Variants in ITIH4 observed in about 807,000 individuals in gnomAD.
ITIH4 encodes inter-alpha-trypsin inhibitor heavy chain 4.
In ITIH4, 79 loss-of-function variants were observed where a neutral mutation model predicts 111.8. The observed-to-expected ratio is 0.71, with a 90% CI of 0.59 to 0.85. ITIH4 has a LOEUF of 0.85. ITIH4 is among the 40% of genes least tolerant of loss of function. ITIH4 has a pLI of 0.00. For synonymous variants in ITIH4, 472 were observed against 468.3 expected, an observed-to-expected ratio of 1.01 and a Z score of -0.10; for missense variants, 1,065 against 1,195.8, an observed-to-expected ratio of 0.89 and a Z score of 1.61.
At chr3:52,823,488 G>C in intron 11 of ITIH4, 68 bp downstream of exon 11, 1 of 1,378,120 alleles carries the variant, frequency 7.3e-7, no homozygotes, top group African/African-American at 1.4e-5. Context: ...TGGGATTTGA[G>C]TCCAGCCCCT....
intron 11 of ITIH4, among the ~76,000 whole-genome samples, chr3:52,821,816 G>C (rs1434287631): frequency 2.0e-5 from 3 of 152,190 alleles, no homozygotes; most frequent in African/African-American, 7.2e-5. Flanking sequence ...TCTCCCACCA[G>C]AGCTCCCTGA....
chr3:52,823,458 A>G, intron 11 of ITIH4, 98 bp downstream of exon 11: 1 of 980,118 alleles, frequency 1.0e-6, no homozygotes, highest in Non-Finnish European at 1.5e-6. Flanking sequence ...GCAGAGGGGA[A>G]AGCTGGAGCT....
intron 16 of ITIH4, 79 bp downstream of exon 16, chr3:52,819,675 G>A (rs979793487): frequency 1.9e-6 from 3 of 1,584,506 alleles, no homozygotes; most frequent in South Asian, 2.2e-5. Flanking sequence ...CAACAGCTGG[G>A]AGATGAACAA....
chr3:52,827,232 G>C lies in ITIH4; in HGVS notation c.252-35C>G, dbSNP rs111853166. 1.6e-5 allele frequency: 24 copies of C among 1,547,474 alleles called. 2 individuals carry two copies. Among genetic ancestry groups the C allele is most frequent in the African/African-American group, 9.5e-5 (7 of 73,696 alleles). ...GAAGGGTGGGAGTTGTTGAGAGCCTGGTGGCAGGGGCCCATTCCACTCCTG... is the reference window on the plus strand; with the variant it reads ...GAAGGGTGGGAGTTGTTGAGAGCCTCGTGGCAGGGGCCCATTCCACTCCTG... On this transcript the variant is annotated intron_variant, in intron 2 of 23. Transcript: ENST00000266041.
At position 52,824,223 on chromosome 3, in the gene ITIH4, T is replaced by C. The variant is rs761027649; in HGVS notation, c.1138A>G (p.Ile380Val). ...GGGTCGCCATCGGTGAGCAGGATGA[T>C]GAGTGAGACACTCCCTTCGGGCAGC... ...ERLPEGSVSL[I>V]ILLTDGDPTV... The change falls in exon 9 of 24, where the codon ATC (isoleucine) becomes GTC (valine). Residue 380 changes from isoleucine (I) to valine (V), a missense_variant. Coordinates refer to ENST00000266041, the MANE Select transcript of ITIH4 (RefSeq NM_002218.5). This position sits in a 1 kb window ranked among gnomAD's most constrained non-coding sequence, Gnocchi z 4.3. 1.2e-6 allele frequency: 2 copies of C among 1,613,446 alleles called. No homozygotes were observed. The highest frequency in any genetic ancestry group is 1.7e-6 in the Non-Finnish European group (2 of 1,180,006).
Position 52,820,010 on chromosome 3 carries a change from G to A in ITIH4, c.1862-20C>T. The stretch of plus-strand genomic sequence containing the variant: ...TGGAACCTGGAAATCAGTGGGACCT[G>A]GGTTTGCATCTTGCACCCACCTTCC... On this transcript the variant is annotated intron_variant, in intron 14 of 23. Transcript: ENST00000266041. 6.2e-7 allele frequency: 1 copy of A among 1,613,758 alleles called. No homozygotes were observed. The highest frequency in any genetic ancestry group is 8.5e-7 in the Non-Finnish European group (1 of 1,179,736).
At chr3:52,827,281 ACTC>A in intron 2 of ITIH4, 84 bp from the exon 3 acceptor site, 4 of 1,085,576 alleles carry the variant, frequency 3.7e-6, no homozygotes, top group South Asian at 1.3e-5. Context: ...GCCTTTCTGG[ACTC>A]GGTGTGCCTC....
chr3:52,814,027 C>G lies in ITIH4; in HGVS notation c.2671G>C (p.Asp891His). 6.2e-7 allele frequency: 1 copy of G among 1,613,954 alleles called. No individual in the cohort carries two copies. The highest frequency in any genetic ancestry group is 8.5e-7 in the Non-Finnish European group (1 of 1,179,968). The change falls in exon 23 of 24, where the codon GAT (aspartate) becomes CAT (histidine). Residue 891 changes from aspartate (D) to histidine (H), a missense_variant. Physicochemically the swap from Asp to His is moderately conservative, Grantham distance 81 (BLOSUM62 -1). Coordinates refer to ENST00000266041, the MANE Select transcript of ITIH4 (RefSeq NM_002218.5). ...EVLWGSPAAS[D>H]DGRRTLRVQG... ...ACCCTCAGCGTGCGTCTGCCGTCAT[C>G]TGATGCTGCTGGAGATCCCCAGAGC... is the stretch of plus-strand genomic sequence containing the variant.
chr3:52,820,839 T>A, intron 12 of ITIH4, 54 bp from the exon 13 acceptor site: 1 of 1,567,918 alleles, frequency 6.4e-7, no homozygotes, highest in South Asian at 1.2e-5. Context: ...GGAACAGATT[T>A]TCCATCCAGC....
intron 17 of ITIH4, chr3:52,819,031 T>C: frequency 3.2e-6 from 1 of 308,966 alleles, no homozygotes; most frequent in Middle Eastern, 1.1e-3. Context: ...GGGCCTAGGG[T>C]CCCCTCTGAA....
rs1019046193 is a variant in ITIH4 at position 52,820,152 on chromosome 3, T to C, written c.1861+139A>G. On this transcript the variant is annotated intron_variant, in intron 14 of 23. Transcript: ENST00000266041. The stretch of plus-strand genomic sequence containing the variant: ...ACCAGCATGCTGGGTCAGATTACAC[T>C]GCCTCCTGGCAGCAGGGATGGGCTG... The C allele has an allele frequency of 7.5e-6, 10 of 1,338,092 alleles. No homozygotes were observed. In the African/African-American group the frequency reaches 1.2e-4, roughly 15 times the overall value. The allele number at this position is 1,338,092 out of a possible 1,614,324, so 82.9% of individuals were successfully genotyped here.
At chr3:52,820,235 A>ACCC in intron 14 of ITIH4, 56 bp downstream of exon 14, 3 of 1,611,188 alleles carry the variant, frequency 1.9e-6, no homozygotes, top group Non-Finnish European at 2.5e-6. Context: ...GGTGCCCTGG[A>ACCC]CCCTGTGTTA....
chr3:52,829,199 C>A lies in ITIH4; in HGVS notation c.171G>T (p.Val57=). 1.2e-6 allele frequency: 2 copies of A among 1,613,774 alleles called. No individual in the cohort carries two copies. Among genetic ancestry groups the A allele is most frequent in the East Asian group, 4.5e-5 (2 of 44,890 alleles). Residue 57 remains valine (V), a synonymous_variant, in exon 2 of 24, where the codon GTG becomes GTT. Transcript: ENST00000266041. ...CCTGCACAGTATTGGCCCTATTGAC[C>A]ACTCGGCTGGTGACGACCGTGTGGG... is the stretch of plus-strand genomic sequence containing the variant. ...RFAHTVVTSR[V]VNRANTVQEA... is the part of the protein sequence containing the mutation.
Position 52,824,275 on chromosome 3 carries a change from C to T in ITIH4, c.1086G>A (p.Leu362=). The change falls in exon 9 of 24, where the codon TTG becomes TTA. Residue 362 remains leucine (L), a synonymous_variant. Coordinates refer to ENST00000266041, the MANE Select transcript of ITIH4 (RefSeq NM_002218.5). The surrounding 1 kb of genome is among the most constrained non-coding windows in gnomAD (Gnocchi z 4.3). ...GCTCCTCCTGGTTGCTGCTGTCCAG[C>T]AACTGCACAGCCATCAGCATTGCAT... ...INDAMLMAVQ[L]LDSSNQEERL... is the part of the protein sequence containing the mutation. 6.2e-7 allele frequency: 1 copy of T among 1,613,698 alleles called. No homozygotes were observed. The highest frequency in any genetic ancestry group is 8.5e-7 in the Non-Finnish European group (1 of 1,180,004).
At position 52,813,385 on chromosome 3, in the gene ITIH4, A is replaced by C. The variant is rs536435288; in HGVS notation, c.*36T>G. On this transcript the variant is annotated 3_prime_UTR_variant, in exon 24 of 24. Transcript: ENST00000266041. ...GGCCCTGCAGTTGCAGGGGGAAGCC[A>C]AGTGTACAGGGTGGGCACAGCTCCT... 2.5e-5 allele frequency: 40 copies of C among 1,598,920 alleles called. No individual in the cohort carries two copies. In the South Asian group the frequency reaches 4.4e-4, roughly 18 times the overall value.
chr3:52,817,029 C>T lies in ITIH4; in HGVS notation c.2326G>A (p.Glu776Lys). 6.2e-7 allele frequency: 1 copy of T among 1,613,894 alleles called. No individual in the cohort carries two copies. Among genetic ancestry groups the T allele is most frequent in the South Asian group, 1.1e-5 (1 of 91,064 alleles). Residue 776 changes from glutamate (E) to lysine (K), a missense_variant, in exon 21 of 24, where the codon GAG (glutamate) becomes AAG (lysine). Coordinates refer to ENST00000266041, the MANE Select transcript of ITIH4 (RefSeq NM_002218.5). Reference sequence around the variant, plus strand: ...TCGATCCATGAGAACCCAGCCTTCTCCCTCTCATACTGGCCAGTCACCTCA... The same window carrying T: ...TCGATCCATGAGAACCCAGCCTTCTTCCTCTCATACTGGCCAGTCACCTCA... Reference protein sequence around the residue: ...GVEVTGQYEREKAGFSWIEVT... With the variant: ...GVEVTGQYERKKAGFSWIEVT...
intron 1 of ITIH4, chr3:52,830,310 G>A (rs1700548442): frequency 3.4e-6 from 2 of 592,628 alleles, no homozygotes; most frequent in South Asian, 3.2e-5. Flanking sequence ...GTAGAGCCAG[G>A]CTTGTAAAAC....
chr3:52,813,892 GGGGCC>G, intron 23 of ITIH4, 78 bp downstream of exon 23: 1 of 1,061,694 alleles, frequency 9.4e-7, no homozygotes, highest in Admixed American at 2.0e-5. Flanking sequence ...GGACAGGAGT[GGGGCC>G]CTGGAGAGCC....
At chr3:52,820,378 G>C in intron 13 of ITIH4, 61 bp from the exon 14 acceptor site, 1 of 1,570,986 alleles carries the variant, frequency 6.4e-7, no homozygotes, top group Non-Finnish European at 8.7e-7. Flanking sequence ...GACACCGTCA[G>C]GGTGGTTTTC....
Sources: allele counts gnomAD v4.1 joint callset (sites outside exome capture counted in the v4.1 genomes callset), GRCh38; gene constraint gnomAD v4.1.1; non-coding constraint Gnocchi (gnomAD v3.1); transcripts MANE v1.5; gene names NCBI Gene and HGNC (gene_info 2026-07-23, HGNC 2026-07-21).